The following SRPK1 variants were observed in gnomAD, a reference collection of about 807,000 sequenced individuals.
The protein encoded by SRPK1 is SRSF protein kinase 1.
In SRPK1, 52 loss-of-function variants were observed where a neutral mutation model predicts 89.5. That is an observed-to-expected ratio of 0.58 (90% CI 0.46 to 0.73). The LOEUF is 0.73. Ranked by LOEUF, SRPK1 falls within the 30% of genes least tolerant of loss-of-function variation. The pLI is 0.00. For synonymous variants in SRPK1, 255 were observed against 270.2 expected (o/e 0.94, Z 0.55); for missense variants, 603 against 780.6 (o/e 0.77, Z 2.71).
chr6:35,919,719 ACT>A (rs1278236312), intron 2 of SRPK1, among the ~76,000 whole-genome samples: 1 of 152,190 alleles, frequency 6.6e-6, no homozygotes, highest in Non-Finnish European at 1.5e-5. Context: ...GCACTAAACT[ACT>A]GTTATGCATC....
At chr6:35,920,381 C>G (rs1268277314) in intron 2 of SRPK1, 87 bp downstream of exon 2, 3 of 1,506,348 alleles carry the variant, frequency 2.0e-6, no homozygotes, top group Admixed American at 1.7e-5. Flanking sequence ...GGTGCCCAAA[C>G]CCGGTGCACG....
intron 3 of SRPK1, among the ~76,000 whole-genome samples, 195 bp downstream of exon 3, chr6:35,890,700 G>T (rs1770501022): frequency 6.6e-6 from 1 of 152,154 alleles, no homozygotes; most frequent in Admixed American, 6.5e-5. Context: ...GAGGAAAAAG[G>T]TAAAAACATT....
intron 2 of SRPK1, among the ~76,000 whole-genome samples, chr6:35,896,310 GAA>G (rs1770625998): frequency 6.6e-6 from 1 of 152,184 alleles, no homozygotes; most frequent in Non-Finnish European, 1.5e-5. Flanking sequence ...TATGGCAGGG[GAA>G]AAAGTCTCAT....
At chr6:35,892,653 A>AAACAACAACAAC (rs34158380) in intron 2 of SRPK1, among the ~76,000 whole-genome samples, 5 of 148,528 alleles carry the variant, frequency 3.4e-5, no homozygotes, top group South Asian at 4.4e-4. Context: ...TTCTGTCTAA[A>AAACAACAACAAC]AACAACAACA....
Position 35,872,657 on chromosome 6 carries a change from G to A in SRPK1, c.657C>T (p.Ile219=), listed in dbSNP as rs753268724. ...TGTACTGCTCATTCACTGACAATAA[G>A]ATGTTCTCTGGTTTAATGTCAGTGT... ...IIHTDIKPEN[I]LLSVNEQYIR... Residue 219 remains isoleucine (I), a synonymous_variant, in exon 8 of 16, where the codon ATC becomes ATT. Transcript: ENST00000373825. 1 of 1,612,294 alleles carries A rather than the reference G, an allele frequency of 6.2e-7. No homozygotes were observed. The highest frequency in any genetic ancestry group is 1.3e-5 in the African/African-American group (1 of 74,880).
chr6:35,835,549 T>G, intron 15 of SRPK1, 61 bp from the exon 16 acceptor site: 9 of 1,478,474 alleles, frequency 6.1e-6, no homozygotes, highest in Non-Finnish European at 8.2e-6. Flanking sequence ...CAAGGTACTC[T>G]TGTGGAAACC....
At chr6:35,892,313 C>T (rs901117961) in intron 2 of SRPK1, among the ~76,000 whole-genome samples, 13 of 152,182 alleles carry the variant, frequency 8.5e-5, no homozygotes, top group Admixed American at 4.6e-4. Context: ...TGAATTTACA[C>T]TCAGGCTCTG....
chr6:35,913,106 C>T (rs998979547), intron 2 of SRPK1, among the ~76,000 whole-genome samples: 15 of 152,186 alleles, frequency 9.9e-5, no homozygotes, highest in African/African-American at 3.6e-4. Context: ...CCTAAGCACC[C>T]GCAGCCTTAT....
rs1770250627 is a variant in SRPK1 at position 35,880,489 on chromosome 6, A to T, written c.479-6150T>A. The stretch of plus-strand genomic sequence containing the variant: ...TGTAATCCCAGCACTTTGGGAGGCC[A>T]AGGCAAGTGGATCACTTGAGGTCAG... On this transcript the variant is annotated intron_variant, in intron 6 of 15. Transcript: ENST00000373825. Among the ~76,000 whole-genome samples the T allele has an allele frequency of 2.6e-5, 4 of 151,792 alleles. No individual in the cohort carries two copies. In the South Asian group the frequency reaches 8.3e-4, roughly 32 times the overall value.
At chr6:35,916,106 C>G (rs184633460) in intron 2 of SRPK1, among the ~76,000 whole-genome samples, 3 of 150,764 alleles carry the variant, frequency 2.0e-5, no homozygotes, top group Non-Finnish European at 4.4e-5. Context: ...TGCCTGTAAT[C>G]CCAGCTACTC....
At chr6:35,852,900 G>A (rs181581013) in intron 13 of SRPK1, among the ~76,000 whole-genome samples, 246 of 152,278 alleles carry the variant, frequency 1.6e-3, no homozygotes, top group Non-Finnish European at 3.0e-3. Context: ...TCAACTGACT[G>A]TAGATTGAAA....
chr6:35,886,863 C>T, intron 5 of SRPK1, 52 bp from the exon 6 acceptor site: 1 of 1,035,526 alleles, frequency 9.7e-7, no homozygotes, highest in Non-Finnish European at 1.5e-6. Context: ...TGGAAATAAA[C>T]CAGATGGTAG....
intron 14 of SRPK1, among the ~76,000 whole-genome samples, chr6:35,841,830 CAAAAAAAAAAA>C (rs749935901): frequency 4.5e-5 from 2 of 44,728 alleles, no homozygotes; most frequent in Admixed American, 2.6e-4. Flanking sequence ...GACTCCGTCT[CAAAAAAAAAAA>C]AAAAAAAAAA....
intron 12 of SRPK1, among the ~76,000 whole-genome samples, chr6:35,859,670 G>A (rs1381256392): frequency 3.9e-5 from 6 of 152,094 alleles, no homozygotes; most frequent in South Asian, 4.2e-4. Flanking sequence ...AATACAGCTC[G>A]TTAAAAATTA....
intron 2 of SRPK1, among the ~76,000 whole-genome samples, chr6:35,898,567 T>C (rs1202079687): frequency 6.6e-6 from 1 of 152,176 alleles, no homozygotes; most frequent in Non-Finnish European, 1.5e-5. Context: ...TTTTACAAGT[T>C]AATTTATCAC....
In SRPK1 at chr6:35,833,598, T is replaced by A. The variant is rs1053249075; in HGVS notation, c.*1706A>T. On this transcript the variant is annotated 3_prime_UTR_variant, in exon 16 of 16. Coordinates refer to ENST00000373825, the MANE Select transcript of SRPK1 (RefSeq NM_003137.5). ...GGTGCATAGAAAGCCTAACTTAAAA[T>A]TCTTTCTACAGGAACATGTCTGATT... 6.6e-6 allele frequency: 1 copy of A among 152,650 alleles called. No homozygotes were observed. 9.5% of individuals were successfully genotyped at this position (152,650 alleles called of 1,614,324 possible).
chr6:35,878,621 G>A (rs953939250), intron 6 of SRPK1, among the ~76,000 whole-genome samples: 3 of 152,142 alleles, frequency 2.0e-5, no homozygotes, highest in African/African-American at 7.2e-5. Flanking sequence ...GCCATGGTGG[G>A]CAAAAAGGAT....
rs773264516 is a variant in SRPK1 at position 35,835,283 on chromosome 6, G to A, written c.*21C>T. 1.9e-6 allele frequency: 3 copies of A among 1,606,826 alleles called. No individual in the cohort carries two copies. The highest frequency in any genetic ancestry group is 2.6e-6 in the Non-Finnish European group (3 of 1,175,660). On this transcript the variant is annotated 3_prime_UTR_variant, in exon 16 of 16. Transcript: ENST00000373825. ...GGCGGAGGGTCAGTGTGTGATCTCT[G>A]CTGTGGTGCTGGGCAGGGGCTTAGG...
intron 2 of SRPK1, among the ~76,000 whole-genome samples, chr6:35,904,095 T>G (rs182223642): frequency 6.6e-6 from 1 of 152,206 alleles, no homozygotes; most frequent in African/African-American, 2.4e-5. Flanking sequence ...TGAGCCACCA[T>G]GCCAAGCCAT....
Sources: gnomAD v4.1 joint callset for allele counts (sites outside exome capture counted in the v4.1 genomes callset) on GRCh38, gnomAD v4.1.1 for gene constraint, MANE v1.5 for transcripts, NCBI Gene and HGNC (gene_info 2026-07-23, HGNC 2026-07-21) for gene names.